The following CDK8 variants were observed in gnomAD, a reference collection of about 807,000 sequenced individuals.
CDK8 encodes the protein cyclin dependent kinase 8.
In CDK8, 29 loss-of-function variants were observed where a neutral mutation model predicts 71.5. The observed-to-expected ratio is 0.41, with a 90% confidence interval of 0.30 to 0.55. The LOEUF (loss-of-function observed/expected upper bound fraction) is 0.55, where lower values mean the gene tolerates loss of function less well. CDK8 is among the 20% of genes least tolerant of loss of function. The pLI is 0.37. For missense variants in CDK8, 288 were observed against 572.6 expected, an observed-to-expected ratio of 0.50 and a Z score of 5.07; for synonymous variants, 161 against 192.1, an observed-to-expected ratio of 0.84 and a Z score of 1.34.
Position 26,401,596 on chromosome 13 carries a change from G to A in CDK8, c.1241G>A (p.Gly414Asp). 1 of 1,614,154 alleles carries A rather than the reference G, an allele frequency of 6.2e-7. No homozygotes were observed. The highest frequency in any genetic ancestry group is 8.5e-7 in the Non-Finnish European group (1 of 1,180,012). ...GTTGTTCCTCCTACCACTACCTCAG[G>A]TGGACTTATCATGACCTCAGACTAT... ...VRVVPPTTTSGGLIMTSDYQR... is the reference protein window; with the variant it reads ...VRVVPPTTTSDGLIMTSDYQR... The change falls in exon 12 of 13, where the codon GGT (glycine) becomes GAT (aspartate). Residue 414 changes from glycine to aspartate, a missense_variant. Physicochemically the swap from Gly to Asp is moderately conservative, Grantham distance 94. This residue lies in a region of CDK8 where 76 missense variants were observed against 99.7 expected (regional missense o/e 0.76). Transcript: ENST00000381527. This position sits in a 1 kb window ranked among gnomAD's most constrained non-coding sequence, Gnocchi z 4.5.
At chr13:26,385,040 GA>G (rs1254800800) in intron 5 of CDK8, among the ~76,000 whole-genome samples, 170 bp from the exon 6 acceptor site, 25 of 152,182 alleles carry the variant, frequency 1.6e-4, no homozygotes, top group African/African-American at 5.3e-4. Flanking sequence ...GAAGAGAATG[GA>G]GCTTTCAAAC....
rs760829271 is a variant in CDK8 at position 26,396,370 on chromosome 13, A to G, written c.860+16A>G. 3.3e-5 allele frequency: 42 copies of G among 1,289,316 alleles called. No homozygotes were observed. Among genetic ancestry groups the G allele is most frequent in the Non-Finnish European group, 4.2e-5 (39 of 923,728 alleles). 79.9% of individuals were successfully genotyped at this position (1,289,316 alleles called of 1,614,324 possible). On this transcript the variant is annotated intron_variant, in intron 8 of 12. Coordinates refer to ENST00000381527, the MANE Select transcript of CDK8 (RefSeq NM_001260.3). ...GAAGAAATACGTAAGTTGGAAAAAAAGAGACTCCTTGTTGATTTTTGCTTT... is the reference window on the plus strand; with the variant it reads ...GAAGAAATACGTAAGTTGGAAAAAAGGAGACTCCTTGTTGATTTTTGCTTT...
chr13:26,386,092 G>A (rs1875462257), intron 6 of CDK8, among the ~76,000 whole-genome samples: 1 of 152,104 alleles, frequency 6.6e-6, no homozygotes, highest in Non-Finnish European at 1.5e-5. Flanking sequence ...GATAATATCA[G>A]TTACCTCCCT....
At chr13:26,310,320 C>T (rs954159640) in intron 1 of CDK8, among the ~76,000 whole-genome samples, 2 of 152,156 alleles carry the variant, frequency 1.3e-5, no homozygotes, top group African/African-American at 4.8e-5. Context: ...CTTGTTCCCT[C>T]TATGTCTGTG....
intron 6 of CDK8, among the ~76,000 whole-genome samples, chr13:26,391,839 G>A (rs1325303720): frequency 2.0e-5 from 3 of 152,086 alleles, no homozygotes; most frequent in Non-Finnish European, 4.4e-5. Flanking sequence ...TAAGTAAATA[G>A]GTGATTAACT....
intron 1 of CDK8, among the ~76,000 whole-genome samples, chr13:26,284,307 C>T (rs1872899038): frequency 6.6e-6 from 1 of 151,826 alleles, no homozygotes; most frequent in African/African-American, 2.4e-5. Flanking sequence ...CAGAACTAAA[C>T]AAAATTGAAA....
At chr13:26,343,600 C>A (rs1478403788) in intron 2 of CDK8, among the ~76,000 whole-genome samples, 1 of 152,082 alleles carries the variant, frequency 6.6e-6, no homozygotes, top group African/African-American at 2.4e-5. Flanking sequence ...ATGAATGGGG[C>A]TTGCAGGTCT....
intron 4 of CDK8, among the ~76,000 whole-genome samples, chr13:26,373,705 GAAATA>G (rs1874798580): frequency 6.6e-6 from 1 of 151,904 alleles, no homozygotes; most frequent in African/African-American, 2.4e-5. Context: ...TAAAATACTG[GAAATA>G]AAATACAGTG....
chr13:26,352,910 T>C (rs1455455725), intron 3 of CDK8, among the ~76,000 whole-genome samples: 1 of 152,206 alleles, frequency 6.6e-6, no homozygotes, highest in African/African-American at 2.4e-5. Context: ...TTCAAGAACA[T>C]GCTTAATATT....
chr13:26,316,851 G>A (rs774548830), intron 1 of CDK8, among the ~76,000 whole-genome samples: 2 of 152,040 alleles, frequency 1.3e-5, no homozygotes, highest in African/African-American at 4.8e-5. Flanking sequence ...CATATTCCTT[G>A]AAAAAGACCT....
intron 1 of CDK8, among the ~76,000 whole-genome samples, chr13:26,325,971 G>C: frequency 6.6e-6 from 1 of 152,028 alleles, no homozygotes; most frequent in East Asian, 1.9e-4. Context: ...TCATCTGAAC[G>C]AAAAATGGCT....
At chr13:26,390,680 G>A (rs555816463) in intron 6 of CDK8, among the ~76,000 whole-genome samples, 2 of 152,250 alleles carry the variant, frequency 1.3e-5, no homozygotes, top group East Asian at 3.9e-4. Context: ...TAAATGTGAG[G>A]CATTCTGCTA....
At chr13:26,332,112 A>C (rs1309972063) in intron 1 of CDK8, among the ~76,000 whole-genome samples, 1 of 152,000 alleles carries the variant, frequency 6.6e-6, no homozygotes, top group Non-Finnish European at 1.5e-5. Flanking sequence ...TCTTGGTTGG[A>C]TCATTTTTGA....
At chr13:26,335,387 C>A (rs1055232514) in intron 1 of CDK8, among the ~76,000 whole-genome samples, 6 of 152,124 alleles carry the variant, frequency 3.9e-5, no homozygotes, top group Admixed American at 2.0e-4. Context: ...TTTTGAAAAT[C>A]TTTTTCTTGG....
rs181099201 is a variant in CDK8, at chr13:26,298,884, G to A, written c.129-38683G>A. On this transcript the variant is annotated intron_variant, in intron 1 of 12. Transcript: ENST00000381527. ...ATACAGTTTTATGCAAAAAATTTCC[G>A]AGGTTCCATTCAGGATCTCTGATGC... 9.9e-5 allele frequency among the ~76,000 whole-genome samples: 15 copies of A among 152,016 alleles called. No individual in the cohort carries two copies. In the East Asian group the frequency reaches 2.5e-3, roughly 25 times the overall value.
chr13:26,337,695 A>G, intron 2 of CDK8, 53 bp downstream of exon 2: 1 of 735,806 alleles, frequency 1.4e-6, no homozygotes, highest in Non-Finnish European at 2.1e-6. Context: ...ATGAGTACCA[A>G]CTATATAAGG....
In CDK8 at chr13:26,405,180, A is replaced by T. The variant is rs943533927; in HGVS notation, c.*1099A>T. 5.7e-6 allele frequency: 1 copy of T among 175,726 alleles called. No homozygotes were observed. Among genetic ancestry groups the T allele is most frequent in the African/African-American group, 2.4e-5 (1 of 42,226 alleles). 10.9% of individuals were successfully genotyped at this position (175,726 alleles called of 1,614,324 possible). A position where few individuals can be genotyped will look rare whatever the true frequency, so the allele number is the denominator to read the frequency against. The stretch of plus-strand genomic sequence containing the variant: ...GACACAAGTATTCTGAATAAAAAAT[A>T]ATTGAACATTGTTAAAAACAAGGTG... On this transcript the variant is annotated 3_prime_UTR_variant, in exon 13 of 13. Transcript: ENST00000381527.
In CDK8 at chr13:26,349,159, G is replaced by T. The variant is rs1329555029; in HGVS notation, c.292G>T (p.Asp98Tyr). 6.2e-7 allele frequency: 1 copy of T among 1,608,148 alleles called. No homozygotes were observed. Among genetic ancestry groups the T allele is most frequent in the Non-Finnish European group, 8.5e-7 (1 of 1,174,868 alleles). The change falls in exon 3 of 13, where the codon GAC becomes TAC. Residue 98 changes from aspartate to tyrosine, a missense_variant. Coordinates refer to ENST00000381527, the MANE Select transcript of CDK8 (RefSeq NM_001260.3). ...HADRKVWLLF[D>Y]YAEHDLWHII... ...TGATAGGAAGGTGTGGCTTCTGTTT[G>T]ACTATGCTGAACATGACCTCTGGGT...
chr13:26,361,000 A>G (rs1242343867), intron 4 of CDK8, among the ~76,000 whole-genome samples: 2 of 152,016 alleles, frequency 1.3e-5, no homozygotes, highest in Non-Finnish European at 2.9e-5. Flanking sequence ...GATCTCTTTT[A>G]TTGCTCTCTT....
Sources: allele counts gnomAD v4.1 joint callset (sites outside exome capture counted in the v4.1 genomes callset), GRCh38; gene constraint gnomAD v4.1.1; regional missense constraint gnomAD v4.1.1; non-coding constraint Gnocchi (gnomAD v3.1); transcripts MANE v1.5; gene names NCBI Gene and HGNC (gene_info 2026-07-23, HGNC 2026-07-21).